The following AGTPBP1 variants were observed in gnomAD, a reference collection of about 807,000 sequenced individuals.
AGTPBP1 encodes cytosolic carboxypeptidase 1.
In AGTPBP1, 70 loss-of-function variants were observed where a neutral mutation model predicts 143.9. The observed-to-expected ratio is 0.49, with a 90% CI of 0.40 to 0.59. The LOEUF is 0.59. AGTPBP1 is among the 20% of genes least tolerant of loss of function. The pLI is 0.00. For synonymous variants in AGTPBP1, 463 were observed against 500.2 expected (o/e 0.93, Z 0.99); for missense variants, 1,229 against 1,464.5 (o/e 0.84, Z 2.62).
chr9:85,683,764 ATCT>A (rs775694183), intron 3 of AGTPBP1, among the ~76,000 whole-genome samples: 1 of 152,012 alleles, frequency 6.6e-6, no homozygotes, highest in Non-Finnish European at 1.5e-5. Flanking sequence ...TTAATCCCTA[ATCT>A]TCTACTTATG....
At chr9:85,715,919 C>T (rs1462445680) in intron 1 of AGTPBP1, among the ~76,000 whole-genome samples, 1 of 152,212 alleles carries the variant, frequency 6.6e-6, no homozygotes, top group Admixed American at 6.5e-5. Context: ...ATAATCTCCT[C>T]TTTCCTCTTT....
intron 12 of AGTPBP1, 173 bp from the exon 13 acceptor site, chr9:85,643,116 G>T: frequency 1.8e-6 from 1 of 565,458 alleles, no homozygotes; most frequent in Non-Finnish European, 3.1e-6. Context: ...TTGTTTTGGG[G>T]TTGTTGTGTT....
At chr9:85,553,502 T>C (rs983250039) in intron 25 of AGTPBP1, among the ~76,000 whole-genome samples, 2 of 152,200 alleles carry the variant, frequency 1.3e-5, no homozygotes, top group African/African-American at 4.8e-5. Context: ...TGTTTGGTAG[T>C]TAGGTGTAGG....
chr9:85,553,526 ACTTACGGTATTTTCAG>A (rs1826156279), intron 25 of AGTPBP1, among the ~76,000 whole-genome samples: 1 of 152,198 alleles, frequency 6.6e-6, no homozygotes, highest in South Asian at 2.1e-4. Context: ...CGGGCTTCTA[ACTTACGGTATTTTCAG>A]CTTATGATGG....
At chr9:85,746,536 G>A (rs1824585517), upstream of AGTPBP1, among the ~76,000 whole-genome samples, 1 of 152,106 alleles carries the variant, frequency 6.6e-6, no homozygotes, top group South Asian at 2.1e-4. Flanking sequence ...GGCTGAGGCA[G>A]GAGGATAGCT....
At chr9:85,700,857 A>C in intron 2 of AGTPBP1, among the ~76,000 whole-genome samples, 1 of 152,204 alleles carries the variant, frequency 6.6e-6, no homozygotes, top group East Asian at 1.9e-4. Context: ...TGAGGTATCT[A>C]CTACATCAGC....
At chr9:85,611,844 T>C (rs1442464375) in intron 17 of AGTPBP1, among the ~76,000 whole-genome samples, 1 of 151,986 alleles carries the variant, frequency 6.6e-6, no homozygotes, top group Non-Finnish European at 1.5e-5. Context: ...CCAAGCCTGG[T>C]TAATTTTTTG....
rs540087012 is a variant in AGTPBP1, at chr9:85,713,468, T to C, written c.-33-902A>G. Among the ~76,000 whole-genome samples the C allele has an allele frequency of 5.9e-5, 9 of 152,144 alleles. 1 individual carries two copies. Among genetic ancestry groups the C allele is most frequent in the East Asian group, 1.9e-4 (1 of 5,176 alleles). The stretch of plus-strand genomic sequence containing the variant: ...ATCACTTGAACCCGGGAGGTGGAGG[T>C]TGCAGTGAGCCAAGATCGTACCATT... On this transcript the variant is annotated intron_variant, in intron 1 of 25. Coordinates refer to ENST00000357081, the MANE Select transcript of AGTPBP1 (RefSeq NM_001330701.2).
intron 6 of AGTPBP1, among the ~76,000 whole-genome samples, chr9:85,674,280 C>T (rs1834685051): frequency 6.6e-6 from 1 of 151,624 alleles, no homozygotes; most frequent in Non-Finnish European, 1.5e-5. Flanking sequence ...CATATAATGT[C>T]CTTGAATGAC....
the AGTPBP1 span, among the ~76,000 whole-genome samples, chr9:85,773,257 T>A: frequency 9.0e-5 from 5 of 55,272 alleles, no homozygotes; most frequent in Admixed American, 3.2e-4. Flanking sequence ...AGAGAGAGAC[T>A]CCTTCTCAAA....
At chr9:85,786,365 T>A in the AGTPBP1 span, 1 of 1,614,032 alleles carries the variant, frequency 6.2e-7, no homozygotes, top group Non-Finnish European at 8.5e-7. Context: ...GATAATCAGT[T>A]TACAAAATCT....
Position 85,741,912 on chromosome 9 carries a change from G to GGCGGCGGCA in AGTPBP1, c.-180_-172dup, listed in dbSNP as rs949081882. 34 of 1,329,770 alleles carry GGCGGCGGCA rather than the reference G, an allele frequency of 2.6e-5. No individual in the cohort carries two copies. The highest frequency in any genetic ancestry group is 3.3e-5 in the Non-Finnish European group (34 of 1,044,446). 82.4% of individuals were successfully genotyped at this position (1,329,770 alleles called of 1,614,324 possible). On this transcript the variant is annotated 5_prime_UTR_variant, in exon 1 of 26. Coordinates refer to ENST00000357081, the MANE Select transcript of AGTPBP1 (RefSeq NM_001330701.2). ...CGGTGGCAGGCGAGGCGGAGGCGGC[G>GGCGGCGGCA]GCGGCGGCAGCTGCGGCGGCGGCGC...
At chr9:85,592,003 ACT>A (rs1347773308) in intron 19 of AGTPBP1, among the ~76,000 whole-genome samples, 1 of 152,084 alleles carries the variant, frequency 6.6e-6, no homozygotes, top group East Asian at 1.9e-4. Context: ...ACACAAAACA[ACT>A]CTTATACCCT....
intron 6 of AGTPBP1, among the ~76,000 whole-genome samples, chr9:85,674,387 T>C (rs1419303357): frequency 6.6e-6 from 1 of 152,016 alleles, no homozygotes; most frequent in Non-Finnish European, 1.5e-5. Flanking sequence ...TTAAAAGGGA[T>C]ATTAAAGAAT....
chr9:85,591,692 G>A (rs1180728847), intron 19 of AGTPBP1, among the ~76,000 whole-genome samples: 1 of 152,138 alleles, frequency 6.6e-6, no homozygotes, highest in Non-Finnish European at 1.5e-5. Context: ...TTAAAGTACA[G>A]TAAGCCTCAT....
intron 17 of AGTPBP1, among the ~76,000 whole-genome samples, chr9:85,597,334 TA>T (rs1829361245): frequency 6.6e-6 from 1 of 152,054 alleles, no homozygotes; most frequent in Non-Finnish European, 1.5e-5. Context: ...TTTAGTAATA[TA>T]ATTAAAATAT....
chr9:85,798,896 A>T, the AGTPBP1 span, among the ~76,000 whole-genome samples: 1 of 152,094 alleles, frequency 6.6e-6, no homozygotes, highest in Non-Finnish European at 1.5e-5. Context: ...CATGTGTACA[A>T]TGTGCAGTCT....
the AGTPBP1 span, chr9:85,770,490 G>A: frequency 8.0e-5 from 123 of 1,529,968 alleles, 2 homozygotes; most frequent in African/African-American, 1.6e-3. Context: ...ATTTCAATAA[G>A]GTTTGTTTTT....
chr9:85,753,536 C>G, the AGTPBP1 span: 6 of 1,405,754 alleles, frequency 4.3e-6, no homozygotes, highest in Non-Finnish European at 4.8e-6. Context: ...GGTGGATCAC[C>G]TGCGGTCAGG....
Sources: gnomAD v4.1 joint callset for allele counts (sites outside exome capture counted in the v4.1 genomes callset) on GRCh38, gnomAD v4.1.1 for gene constraint, MANE v1.5 for transcripts, NCBI Gene and HGNC (gene_info 2026-07-23, HGNC 2026-07-21) for gene names.